PCSK5: variants seen among roughly 807,000 people sequenced by gnomAD.
PCSK5 encodes prohormone convertase 5.
PCSK5 carries 129 observed loss-of-function variants against 233.2 expected under a neutral mutation model. The ratio of observed to expected loss-of-function variants is 0.55; its 90% CI spans 0.48 to 0.64. The LOEUF (loss-of-function observed/expected upper bound fraction) is 0.64. Ranked by LOEUF, PCSK5 falls within the 30% of genes least tolerant of loss-of-function variation. The pLI, the probability that PCSK5 is intolerant of heterozygous loss-of-function variation, is 0.00. For synonymous variants in PCSK5, 825 were observed against 879.2 expected, an observed-to-expected ratio of 0.94 and a Z score of 1.09; for missense variants, 2,076 against 2,430.1, an observed-to-expected ratio of 0.85 and a Z score of 3.06.
At chr9:76,219,447 T>C (rs1001647496) in intron 20 of PCSK5, among the ~76,000 whole-genome samples, 30 of 152,204 alleles carry the variant, frequency 2.0e-4, no homozygotes, top group Admixed American at 1.6e-3. Context: ...CATCCATGTG[T>C]CGGTGTTTCA....
At chr9:76,117,163 G>C (rs1832460335) in intron 9 of PCSK5, among the ~76,000 whole-genome samples, 1 of 151,944 alleles carries the variant, frequency 6.6e-6, no homozygotes, top group Non-Finnish European at 1.5e-5. Context: ...TATGTGCCTG[G>C]CACCGTGCTA....
chr9:76,252,076 G>A (rs1327618987), intron 24 of PCSK5, among the ~76,000 whole-genome samples: 3 of 152,080 alleles, frequency 2.0e-5, no homozygotes, highest in Non-Finnish European at 4.4e-5. Context: ...GACCATCCTC[G>A]CTAACACGGT....
chr9:75,956,491 C>T (rs953303520), intron 2 of PCSK5, among the ~76,000 whole-genome samples: 1 of 152,162 alleles, frequency 6.6e-6, no homozygotes, highest in Non-Finnish European at 1.5e-5. Context: ...ATGGCAGCCT[C>T]TGGGTAGACT....
chr9:76,289,492 C>CGCAACAT (rs1368085113), intron 24 of PCSK5, among the ~76,000 whole-genome samples: 62 of 130,784 alleles, frequency 4.7e-4, no homozygotes, highest in Non-Finnish European at 8.4e-4. Flanking sequence ...CACACACACA[C>CGCAACAT]ACACACACAC....
intron 30 of PCSK5, among the ~76,000 whole-genome samples, chr9:76,313,328 C>A (rs1026845806): frequency 6.6e-6 from 1 of 152,168 alleles, no homozygotes; most frequent in Non-Finnish European, 1.5e-5. Flanking sequence ...GTATAATTCA[C>A]GGTTTTTAGT....
rs1242389403 is a variant in PCSK5, at chr9:76,339,739, T to TTCACCATATTGATCAGGC, written c.4966+1294_4966+1311dup. On this transcript the variant is annotated intron_variant, in intron 35 of 37. Transcript: ENST00000674117. Reference sequence around the variant, plus strand: ...TTTGTATTTTTAGTAGAGGCAGGGTTTCACCATATTGATCAGGCTGGTCTC... The same window carrying TTCACCATATTGATCAGGC: ...TTTGTATTTTTAGTAGAGGCAGGGTTTCACCATATTGATCAGGCTCACCATATTGATCAGGCTGGTCTC... Among the ~76,000 whole-genome samples, 18 of 152,158 alleles carry TTCACCATATTGATCAGGC rather than the reference T, an allele frequency of 1.2e-4. No homozygotes were observed. In the East Asian group the frequency reaches 3.3e-3, roughly 28 times the overall value.
At chr9:76,118,490 C>G (rs1039667912) in intron 9 of PCSK5, among the ~76,000 whole-genome samples, 3 of 151,962 alleles carry the variant, frequency 2.0e-5, no homozygotes, top group African/African-American at 7.2e-5. Flanking sequence ...AGATTGAGAG[C>G]CTTTTTCATC....
intron 35 of PCSK5, among the ~76,000 whole-genome samples, chr9:76,339,092 A>C (rs1049946780): frequency 6.7e-6 from 1 of 150,186 alleles, no homozygotes; most frequent in Admixed American, 6.7e-5. Flanking sequence ...GGTCACCCCA[A>C]CTCTCAATCT....
chr9:76,237,136 G>A lies in PCSK5; in HGVS notation c.2867-1823G>A, dbSNP rs139563035. 1.1e-3 allele frequency among the ~76,000 whole-genome samples: 172 copies of A among 152,144 alleles called. 1 individual carries two copies. Among genetic ancestry groups the A allele is most frequent in the African/African-American group, 3.2e-3 (131 of 41,416 alleles). On this transcript the variant is annotated intron_variant, in intron 22 of 37. Coordinates refer to ENST00000674117, the MANE Select transcript of PCSK5 (RefSeq NM_001372043.1). ...GGTGGATGGAAGTGGCATTTGCAAC[G>A]GTTTCATAAAGTGGCTGAGAACATA...
At chr9:76,169,571 T>C (rs1823239950) in intron 12 of PCSK5, 133 bp from the exon 13 acceptor site, 1 of 611,804 alleles carries the variant, frequency 1.6e-6, no homozygotes, top group African/African-American at 1.8e-5. Context: ...ATTGGTGACA[T>C]CCAGGATGCA....
At chr9:76,322,872 C>G (rs1024610226) in intron 31 of PCSK5, among the ~76,000 whole-genome samples, 180 bp from the exon 32 acceptor site, 3 of 152,234 alleles carry the variant, frequency 2.0e-5, no homozygotes, top group African/African-American at 7.2e-5. Flanking sequence ...TGTGTGGCCT[C>G]CTTGTCCCAA....
intron 8 of PCSK5, among the ~76,000 whole-genome samples, chr9:76,099,117 T>C (rs569816984): frequency 6.6e-6 from 1 of 152,368 alleles, no homozygotes; most frequent in East Asian, 1.9e-4. Context: ...TTTTGTTTAA[T>C]GCATTTCTTC....
intron 1 of PCSK5, among the ~76,000 whole-genome samples, chr9:75,896,273 G>A (rs1318033920): frequency 6.6e-6 from 1 of 152,180 alleles, no homozygotes; most frequent in Non-Finnish European, 1.5e-5. Context: ...GGAATGGTTT[G>A]TATGTGGTCA....
chr9:75,970,661 G>A (rs1825781076), intron 2 of PCSK5, among the ~76,000 whole-genome samples: 1 of 151,742 alleles, frequency 6.6e-6, no homozygotes, highest in South Asian at 2.1e-4. Flanking sequence ...TCACTCTGTT[G>A]CCCAGACTGG....
chr9:76,286,373 T>G (rs184842138), intron 24 of PCSK5: 18 of 152,228 alleles, frequency 1.2e-4, no homozygotes, highest in African/African-American at 4.1e-4. Flanking sequence ...CCTGCCCACA[T>G]CTGAACACAT....
intron 20 of PCSK5, among the ~76,000 whole-genome samples, chr9:76,219,526 A>C (rs901989670): frequency 1.3e-5 from 2 of 152,124 alleles, no homozygotes; most frequent in Non-Finnish European, 2.9e-5. Context: ...TGGGGCTTTA[A>C]CTCTCAGTGC....
chr9:76,122,147 T>C (rs1043363001), intron 9 of PCSK5, among the ~76,000 whole-genome samples: 1 of 152,126 alleles, frequency 6.6e-6, no homozygotes, highest in Admixed American at 6.5e-5. Context: ...TGCCTTAATA[T>C]TTAGAATTTA....
At chr9:76,105,585 C>G (rs745642793) in intron 8 of PCSK5, among the ~76,000 whole-genome samples, 1 of 152,200 alleles carries the variant, frequency 6.6e-6, no homozygotes, top group African/African-American at 2.4e-5. Flanking sequence ...AAAGCCCAGA[C>G]AGTTTCTTAA....
chr9:76,197,769 T>C (rs558541796), intron 20 of PCSK5, among the ~76,000 whole-genome samples: 1 of 152,296 alleles, frequency 6.6e-6, no homozygotes, highest in African/African-American at 2.4e-5. Context: ...CAGTGTGACC[T>C]CACCCAGCCC....
Sources: allele counts gnomAD v4.1 joint callset (sites outside exome capture counted in the v4.1 genomes callset), GRCh38; gene constraint gnomAD v4.1.1; transcripts MANE v1.5; gene names NCBI Gene and HGNC (gene_info 2026-07-23, HGNC 2026-07-21).